The following PRDM9 variants were observed in gnomAD, a reference collection of about 807,000 sequenced individuals.
PRDM9 encodes histone-lysine N-methyltransferase PRDM9.
Under a neutral mutation model 55.6 loss-of-function variants are expected in PRDM9, and 47 were observed. The ratio of observed to expected loss-of-function variants is 0.85; its 90% CI spans 0.67 to 1.08. The LOEUF (loss-of-function observed/expected upper bound fraction) is 1.08, where lower values mean the gene tolerates loss of function less well. PRDM9 is among the 50% of genes least tolerant of loss of function. The pLI, the probability that PRDM9 is intolerant of heterozygous loss-of-function variation, is 0.00. For synonymous variants in PRDM9, 312 were observed against 375.7 expected (o/e 0.83, Z 1.96); for missense variants, 867 against 1,040.3 (o/e 0.83, Z 2.29).
Position 23,508,970 on chromosome 5 carries a change from G to T in PRDM9, c.-64G>T. ...CACAGGAGCCTTTGGCCTAGGAGCT[G>T]GGAGACTCAGGGCCCTTCTCACACT... On this transcript the variant is annotated 5_prime_UTR_variant, in exon 2 of 11. Coordinates refer to ENST00000296682, the MANE Select transcript of PRDM9 (RefSeq NM_020227.4). The T allele has an allele frequency of 1.3e-6, 2 of 1,585,514 alleles. No individual in the cohort carries two copies. Among genetic ancestry groups the T allele is most frequent in the Non-Finnish European group, 1.7e-6 (2 of 1,158,040 alleles).
Position 23,527,891 on chromosome 5 carries a change from C to A in PRDM9, c.*118C>A, listed in dbSNP as rs1490364721. 2 of 1,254,652 alleles carry A rather than the reference C, an allele frequency of 1.6e-6. No homozygotes were observed. The highest frequency in any genetic ancestry group is 2.3e-6 in the Non-Finnish European group (2 of 875,036). The allele number at this position is 1,254,652 out of a possible 1,614,324, so 77.7% of individuals were successfully genotyped here. A position where few individuals can be genotyped will look rare whatever the true frequency, so the allele number is the denominator to read the frequency against. ...GGAAGTCTGCTGACCCCTTATATTCCCCGAGAGTATAAAGAGATCGGAAAT... is the reference window on the plus strand; with the variant it reads ...GGAAGTCTGCTGACCCCTTATATTCACCGAGAGTATAAAGAGATCGGAAAT... On this transcript the variant is annotated 3_prime_UTR_variant, in exon 11 of 11. Coordinates refer to ENST00000296682, the MANE Select transcript of PRDM9 (RefSeq NM_020227.4).
chr5:23,508,175 A>C (rs966426303), intron 1 of PRDM9, among the ~76,000 whole-genome samples: 2 of 152,088 alleles, frequency 1.3e-5, no homozygotes, highest in Non-Finnish European at 2.9e-5. Context: ...GAATTTCCTC[A>C]GCCTCAAAGA....
At chr5:23,511,299 A>G (rs1159056908) in intron 4 of PRDM9, among the ~76,000 whole-genome samples, 1 of 152,180 alleles carries the variant, frequency 6.6e-6, no homozygotes, top group East Asian at 1.9e-4. Context: ...CAGTATATAC[A>G]GTAAGAGGTT....
chr5:23,519,018 C>CTCT (rs1489490678), intron 5 of PRDM9, among the ~76,000 whole-genome samples: 1 of 152,064 alleles, frequency 6.6e-6, no homozygotes, highest in Non-Finnish European at 1.5e-5. Context: ...GAGATGTTAT[C>CTCT]AGGACTATGA....
At chr5:23,524,284 A>T in intron 9 of PRDM9, 50 bp from the exon 10 acceptor site, 1 of 1,591,062 alleles carries the variant, frequency 6.3e-7, no homozygotes, top group Non-Finnish European at 8.6e-7. Context: ...TGGATCTGAT[A>T]CTGGGAACTC....
intron 6 of PRDM9, 51 bp downstream of exon 6, chr5:23,521,230 G>T: frequency 6.2e-7 from 1 of 1,603,208 alleles, no homozygotes; most frequent in African/African-American, 1.3e-5. Context: ...CCTCTAGAAA[G>T]GTTGATGAGT....
chr5:23,522,028 T>C (rs1561020382), intron 6 of PRDM9, among the ~76,000 whole-genome samples: 2 of 152,282 alleles, frequency 1.3e-5, no homozygotes, highest in Middle Eastern at 3.4e-3. Context: ...AGAAATATCT[T>C]CCAAATGAAT....
intron 5 of PRDM9, 39 bp downstream of exon 5, chr5:23,517,969 T>A: frequency 6.6e-7 from 1 of 1,524,652 alleles, no homozygotes; most frequent in Non-Finnish European, 9.1e-7. Context: ...GAAACCTTCC[T>A]CATGGATCCA....
Position 23,523,324 on chromosome 5 carries a change from G to T in PRDM9, c.916G>T (p.Asp306Tyr), listed in dbSNP as rs757557427. ...TKGRNCYEYVDGKDKSWANWM... is the reference protein window; with the variant it reads ...TKGRNCYEYVYGKDKSWANWM... ...GGGGAGAAACTGCTATGAGTATGTG[G>T]ATGGAAAAGATAAATCCTGGGCCAA... Residue 306 changes from aspartate to tyrosine, a missense_variant, in exon 9 of 11, where the codon GAT (aspartate) becomes TAT (tyrosine). Asp to Tyr is a radical substitution (Grantham distance 160). Around this residue, in one of 5 missense-constraint regions of PRDM9, gnomAD observed 662 missense variants for 711.9 expected, o/e 0.93. Coordinates refer to ENST00000296682, the MANE Select transcript of PRDM9 (RefSeq NM_020227.4). 6.2e-7 allele frequency: 1 copy of T among 1,614,090 alleles called. No homozygotes were observed. Among genetic ancestry groups the T allele is most frequent in the South Asian group, 1.1e-5 (1 of 91,088 alleles).
At chr5:23,509,665 G>T in intron 3 of PRDM9, 72 bp downstream of exon 3, 1 of 1,610,098 alleles carries the variant, frequency 6.2e-7, no homozygotes, top group East Asian at 2.2e-5. Flanking sequence ...TATTATTTTA[G>T]TTCTCAGGTG....
intron 4 of PRDM9, among the ~76,000 whole-genome samples, chr5:23,515,228 G>A (rs1561018154): frequency 6.6e-6 from 1 of 152,026 alleles, no homozygotes; most frequent in Non-Finnish European, 1.5e-5. Context: ...GCCACCCAAA[G>A]TGCTGGGATT....
chr5:23,522,927 T>C, intron 8 of PRDM9, 42 bp downstream of exon 8: 1 of 1,614,142 alleles, frequency 6.2e-7, no homozygotes, highest in Non-Finnish European at 8.5e-7. Context: ...TCTTCCCACA[T>C]CCCTTCTGTG....
At chr5:23,513,083 T>A (rs1163266391) in intron 4 of PRDM9, among the ~76,000 whole-genome samples, 4 of 152,230 alleles carry the variant, frequency 2.6e-5, no homozygotes, top group South Asian at 2.1e-4. Flanking sequence ...CTGTAATAAC[T>A]ATCAGTGTGC....
At position 23,509,955 on chromosome 5, in the gene PRDM9, C is replaced by T. The variant is rs201284800; in HGVS notation, c.229C>T (p.Arg77Ter). Reference sequence around the variant, plus strand: ...CACTCGACCAGCTTTCATGTGTCACCGAAGGCAGGCCATCAAACTCCAGGT... The same window carrying T: ...CACTCGACCAGCTTTCATGTGTCACTGAAGGCAGGCCATCAAACTCCAGGT... ...RATRPAFMCHRRQAIKLQVDD... is the reference protein window; with the variant it reads ...RATRPAFMCH Residue 77 changes from arginine (R) to a stop codon, truncating the protein, a stop_gained, in exon 4 of 11, where the codon CGA becomes TGA. Transcript: ENST00000296682. LOFTEE classifies it high-confidence loss of function. 42 of 1,613,746 alleles carry T rather than the reference C, an allele frequency of 2.6e-5. No individual in the cohort carries two copies. Among genetic ancestry groups the T allele is most frequent in the East Asian group, 6.7e-5 (3 of 44,886 alleles).
At position 23,527,742 on chromosome 5, in the gene PRDM9, A is replaced by G. The variant is rs370800128; in HGVS notation, c.2654A>G (p.Glu885Gly). The change falls in exon 11 of 11, where the codon GAG becomes GGG. Residue 885 changes from glutamate (E) to glycine (G), a missense_variant. Around this residue, in one of 5 missense-constraint regions of PRDM9, gnomAD observed 86 missense variants for 73.6 expected, o/e 1.17. Transcript: ENST00000296682. Reference protein sequence around the residue: ...LCYHQRTHTGEKPYVCREDE With the variant: ...LCYHQRTHTGGKPYVCREDE The stretch of plus-strand genomic sequence containing the variant: ...TATCACCAGAGGACACACACAGGGG[A>G]GAAGCCCTACGTCTGCAGGGAGGAT... The G allele has an allele frequency of 6.2e-7, 1 of 1,613,684 alleles. No individual in the cohort carries two copies. Among genetic ancestry groups the G allele is most frequent in the Non-Finnish European group, 8.5e-7 (1 of 1,179,830 alleles).
intron 4 of PRDM9, among the ~76,000 whole-genome samples, chr5:23,511,017 G>T (rs960591976): frequency 2.6e-5 from 4 of 151,662 alleles, no homozygotes; most frequent in Non-Finnish European, 5.9e-5. Context: ...TTAGCCGGGT[G>T]TGGTGGTGGG....
chr5:23,507,904 A>C (rs1274692466), intron 1 of PRDM9, among the ~76,000 whole-genome samples, 192 bp downstream of exon 1: 1 of 152,010 alleles, frequency 6.6e-6, no homozygotes, highest in Non-Finnish European at 1.5e-5. Flanking sequence ...ACCCAGAGGA[A>C]CAGCGAATCT....
At chr5:23,515,464 T>C (rs1412567186) in intron 4 of PRDM9, among the ~76,000 whole-genome samples, 1 of 152,220 alleles carries the variant, frequency 6.6e-6, no homozygotes. Context: ...CTCTGTAGGA[T>C]GCCTTGCCAC....
intron 4 of PRDM9, among the ~76,000 whole-genome samples, chr5:23,516,160 T>G (rs1161023143): frequency 6.6e-6 from 1 of 152,230 alleles, no homozygotes; most frequent in African/African-American, 2.4e-5. Flanking sequence ...TCCTTCCATT[T>G]ATTTGTGTCT....
Sources: gnomAD v4.1 joint callset for allele counts (sites outside exome capture counted in the v4.1 genomes callset) on GRCh38, gnomAD v4.1.1 for gene constraint, gnomAD v4.1.1 regional missense constraint, MANE v1.5 for transcripts, NCBI Gene and HGNC (gene_info 2026-07-23, HGNC 2026-07-21) for gene names.